Variants in PRRX2 observed in about 807,000 individuals in gnomAD.
PRRX2 encodes paired related homeobox 2.
Under a neutral mutation model 18.0 loss-of-function variants are expected in PRRX2, and 11 were observed. The observed-to-expected ratio is 0.61, with a 90% CI of 0.39 to 1.01. The LOEUF is 1.01. PRRX2 is among the 50% of genes least tolerant of loss of function. The pLI is 0.01. For missense variants in PRRX2, 387 were observed against 351.0 expected (o/e 1.10, Z -0.82); for synonymous variants, 177 against 154.8 (o/e 1.14, Z -1.06).
chr9:129,722,590 C>G lies in PRRX2; in HGVS notation c.*238C>G. On this transcript the variant is annotated 3_prime_UTR_variant, in exon 4 of 4. Transcript: ENST00000372469. Reference sequence around the variant, plus strand: ...GGGTTGGGCCGGAAGGTGGAAGAGCCTGCCAAGGACCTCATTTAGTTTGTG... The same window carrying G: ...GGGTTGGGCCGGAAGGTGGAAGAGCGTGCCAAGGACCTCATTTAGTTTGTG... 2.5e-6 allele frequency: 1 copy of G among 397,484 alleles called. No homozygotes were observed. Among genetic ancestry groups the G allele is most frequent in the Non-Finnish European group, 4.4e-6 (1 of 228,386 alleles). 24.6% of individuals were successfully genotyped at this position (397,484 alleles called of 1,614,324 possible).
intron 1 of PRRX2, among the ~76,000 whole-genome samples, chr9:129,678,110 C>T (rs1030112657): frequency 7.9e-5 from 12 of 151,870 alleles, no homozygotes; most frequent in Non-Finnish European, 1.5e-4. Flanking sequence ...ATTACAGGCA[C>T]GTACCACCAT....
chr9:129,695,870 C>A lies in PRRX2; in HGVS notation c.260-23361C>A, dbSNP rs1029244065. 6.6e-6 allele frequency among the ~76,000 whole-genome samples: 1 copy of A among 152,164 alleles called. No individual in the cohort carries two copies. Among genetic ancestry groups the A allele is most frequent in the African/African-American group, 2.4e-5 (1 of 41,418 alleles). On this transcript the variant is annotated intron_variant, in intron 1 of 3. Transcript: ENST00000372469. The surrounding 1 kb of genome is among the most constrained non-coding windows in gnomAD (Gnocchi z 4.8). ...ATTAACGGGAAAGTTCTAAACAGAACCTCTGCTGTCATGTAAGCAGCTCAG... is the reference window on the plus strand; with the variant it reads ...ATTAACGGGAAAGTTCTAAACAGAAACTCTGCTGTCATGTAAGCAGCTCAG...
intron 1 of PRRX2, among the ~76,000 whole-genome samples, chr9:129,667,488 G>A (rs1288977397): frequency 6.6e-6 from 1 of 152,164 alleles, no homozygotes; most frequent in Non-Finnish European, 1.5e-5. Flanking sequence ...GAGACTCCAG[G>A]GGTTGGGAAG....
chr9:129,678,135 T>C (rs1172461285), intron 1 of PRRX2, among the ~76,000 whole-genome samples: 1 of 151,806 alleles, frequency 6.6e-6, no homozygotes, highest in Non-Finnish European at 1.5e-5. Flanking sequence ...GGCACATTTT[T>C]GTATTTTTAG....
In PRRX2 at chr9:129,694,729, G is replaced by T. The variant is rs556598640; in HGVS notation, c.260-24502G>T. Among the ~76,000 whole-genome samples the T allele has an allele frequency of 1.5e-4, 23 of 152,280 alleles. No homozygotes were observed. The South Asian group carries it at 4.4e-3, about 29-fold the overall frequency. On this transcript the variant is annotated intron_variant, in intron 1 of 3. Coordinates refer to ENST00000372469, the MANE Select transcript of PRRX2 (RefSeq NM_016307.4). Reference sequence around the variant, plus strand: ...TTCCTCTTGTTAATACTTGCTTCCTGGGTTTGCAGGTGTGAGGATTCCTCC... The same window carrying T: ...TTCCTCTTGTTAATACTTGCTTCCTTGGTTTGCAGGTGTGAGGATTCCTCC...
chr9:129,712,401 GTTAA>G (rs1832635784), intron 1 of PRRX2, among the ~76,000 whole-genome samples: 2 of 152,204 alleles, frequency 1.3e-5, no homozygotes, highest in African/African-American at 2.4e-5. Flanking sequence ...AGAATCTGCA[GTTAA>G]TTCCCTCCAG....
At chr9:129,717,695 CAAAAAAA>C (rs568330077) in intron 1 of PRRX2, among the ~76,000 whole-genome samples, 6 of 82,528 alleles carry the variant, frequency 7.3e-5, no homozygotes, top group South Asian at 4.4e-4. Context: ...GACTCCGCCT[CAAAAAAA>C]AAAAAAAAAA....
In PRRX2 at chr9:129,675,547, T is replaced by C. The variant is rs1266367265; in HGVS notation, c.259+9421T>C. Among the ~76,000 whole-genome samples, 1 of 151,908 alleles carries C rather than the reference T, an allele frequency of 6.6e-6. No individual in the cohort carries two copies. The highest frequency in any genetic ancestry group is 1.9e-4 in the East Asian group (1 of 5,158). ...ATGGGGTCCCCTCAAAGGGCTCTCT[T>C]GGGGATGGGGATCCACTGCCCCCAG... is the stretch of plus-strand genomic sequence containing the variant. On this transcript the variant is annotated intron_variant, in intron 1 of 3. Transcript: ENST00000372469. The surrounding 1 kb of genome is among the most constrained non-coding windows in gnomAD (Gnocchi z 4.4).
At chr9:129,717,436 C>G (rs1027559806) in intron 1 of PRRX2, among the ~76,000 whole-genome samples, 9 of 89,448 alleles carry the variant, frequency 1.0e-4, no homozygotes, top group African/African-American at 4.1e-4. Flanking sequence ...GTGGCTCACA[C>G]CTGTAATCCC....
chr9:129,668,778 C>CAAAAAAAAA (rs562855941), intron 1 of PRRX2, among the ~76,000 whole-genome samples: 1 of 58,540 alleles, frequency 1.7e-5, no homozygotes, highest in African/African-American at 5.7e-5. Context: ...GACTCCATCT[C>CAAAAAAAAA]AAAAAAAAAA....
intron 1 of PRRX2, among the ~76,000 whole-genome samples, chr9:129,682,988 G>A (rs1215228404): frequency 1.3e-5 from 2 of 152,064 alleles, no homozygotes; most frequent in African/African-American, 4.8e-5. Context: ...TGCACCTGTA[G>A]TCCCAGCTAC....
chr9:129,697,952 C>T (rs1008646722), intron 1 of PRRX2, among the ~76,000 whole-genome samples: 7 of 151,814 alleles, frequency 4.6e-5, no homozygotes, highest in Non-Finnish European at 7.4e-5. Context: ...GGGAGGGGAG[C>T]GTGGAGGTTG....
At chr9:129,704,538 A>C (rs2130926578) in intron 1 of PRRX2, among the ~76,000 whole-genome samples, 1 of 152,216 alleles carries the variant, frequency 6.6e-6, no homozygotes, top group Middle Eastern at 3.4e-3. Flanking sequence ...TCCTCCCAGG[A>C]AACCCGGGAA....
chr9:129,717,720 A>G (rs1832730465), intron 1 of PRRX2, among the ~76,000 whole-genome samples: 1 of 151,202 alleles, frequency 6.6e-6, no homozygotes, highest in African/African-American at 2.4e-5. Flanking sequence ...AAAAAGAAAA[A>G]GAAAAAAGAA....
At position 129,722,506 on chromosome 9, in the gene PRRX2, A is replaced by C; in HGVS notation, c.*154A>C. On this transcript the variant is annotated 3_prime_UTR_variant, in exon 4 of 4. Transcript: ENST00000372469. ...CCCACGAGGCTGTTGAGGCCCCTGC[A>C]GCCGGGCCCAGCTCTTCTGTCCTTG... is the stretch of plus-strand genomic sequence containing the variant. 1 of 778,048 alleles carries C rather than the reference A, an allele frequency of 1.3e-6. No individual in the cohort carries two copies. The highest frequency in any genetic ancestry group is 1.7e-6 in the Non-Finnish European group (1 of 572,752). The allele number at this position is 778,048 out of a possible 1,614,324, so 48.2% of individuals were successfully genotyped here.
chr9:129,687,550 C>A (rs1832311820), intron 1 of PRRX2, among the ~76,000 whole-genome samples: 1 of 152,224 alleles, frequency 6.6e-6, no homozygotes, highest in African/African-American at 2.4e-5. Flanking sequence ...CAGCCGGCTT[C>A]CCTCTGCACA....
intron 1 of PRRX2, among the ~76,000 whole-genome samples, chr9:129,688,148 C>T (rs958384105): frequency 4.6e-5 from 7 of 152,092 alleles, no homozygotes; most frequent in East Asian, 3.9e-4. Flanking sequence ...CTGCAACCTC[C>T]GCCTCTGGGC....
chr9:129,688,699 G>A (rs189424184), intron 1 of PRRX2, among the ~76,000 whole-genome samples: 1 of 152,328 alleles, frequency 6.6e-6, no homozygotes, highest in Non-Finnish European at 1.5e-5. Flanking sequence ...GAGCCTAGCA[G>A]AGCTAGGACA....
At chr9:129,686,237 CAG>C (rs1832297711) in intron 1 of PRRX2, among the ~76,000 whole-genome samples, 1 of 152,190 alleles carries the variant, frequency 6.6e-6, no homozygotes, top group African/African-American at 2.4e-5. Flanking sequence ...TGCTCAGAAC[CAG>C]AGTCAAGACA....
Sources: gnomAD v4.1 joint callset for allele counts (sites outside exome capture counted in the v4.1 genomes callset) on GRCh38, gnomAD v4.1.1 for gene constraint, Gnocchi (gnomAD v3.1) non-coding constraint, MANE v1.5 for transcripts, NCBI Gene and HGNC (gene_info 2026-07-23, HGNC 2026-07-21) for gene names.